NRG4: variants seen among roughly 807,000 people sequenced by gnomAD.
NRG4 encodes the protein pro-neuregulin-4, membrane-bound isoform.
A neutral mutation model predicts 15.0 loss-of-function variants in NRG4; 10 were observed. The observed-to-expected ratio is 0.67, with a 90% CI of 0.41 to 1.13. The LOEUF (loss-of-function observed/expected upper bound fraction) is 1.13. Among genes scored for constraint, NRG4 ranks in the 50% most tolerant of loss-of-function variants. The pLI is 0.00. For missense variants in NRG4, 139 were observed against 140.2 expected, an observed-to-expected ratio of 0.99 and a Z score of 0.04; for synonymous variants, 41 against 50.1, an observed-to-expected ratio of 0.82 and a Z score of 0.77.
intron 3 of NRG4, among the ~76,000 whole-genome samples, chr15:75,972,851 C>A (rs1405305225): frequency 6.6e-6 from 1 of 152,090 alleles, no homozygotes; most frequent in Non-Finnish European, 1.5e-5. Flanking sequence ...CTTGGCTATA[C>A]AGGCTCTTTT....
intron 3 of NRG4, among the ~76,000 whole-genome samples, chr15:76,000,995 T>A (rs2034393409): frequency 6.6e-6 from 1 of 152,190 alleles, no homozygotes; most frequent in Non-Finnish European, 1.5e-5. Context: ...ATTATTTTTA[T>A]CTTTTTTTAG....
chr15:76,038,898 G>A (rs913111890), intron 4 of NRG4, among the ~76,000 whole-genome samples: 118 of 152,308 alleles, frequency 7.7e-4, no homozygotes, highest in African/African-American at 2.6e-3. Context: ...CCCAGCCAGA[G>A]GTGGCTCAGC....
chr15:76,053,735 T>C (rs11854955), intron 2 of NRG4, among the ~76,000 whole-genome samples: 73,388 of 149,956 alleles, frequency 0.49, 19,707 homozygotes, highest in South Asian at 0.66. Flanking sequence ...TTTGTATTTT[T>C]AGTAGAGACA....
intron 5 of NRG4, among the ~76,000 whole-genome samples, chr15:76,022,220 G>A (rs892808751): frequency 2.6e-5 from 4 of 151,952 alleles, no homozygotes; most frequent in Non-Finnish European, 4.4e-5. Flanking sequence ...TTCCATCCAC[G>A]TATCAATAAA....
chr15:76,004,918 A>G (rs2034543851), intron 3 of NRG4, among the ~76,000 whole-genome samples: 1 of 152,330 alleles, frequency 6.6e-6, no homozygotes, highest in African/African-American at 2.4e-5. Flanking sequence ...AAAAATCCAC[A>G]TATAACTTTT....
intron 3 of NRG4, among the ~76,000 whole-genome samples, chr15:75,987,865 A>T (rs2033855466): frequency 6.6e-6 from 1 of 152,204 alleles, no homozygotes; most frequent in Non-Finnish European, 1.5e-5. Flanking sequence ...GTGACATTCA[A>T]ACACTATCTA....
At chr15:76,018,149 T>A (rs898304089) in intron 5 of NRG4, among the ~76,000 whole-genome samples, 2 of 152,202 alleles carry the variant, frequency 1.3e-5, no homozygotes, top group African/African-American at 4.8e-5. Flanking sequence ...CTTGTTGAAG[T>A]TCTCGTGCTA....
intron 4 of NRG4, among the ~76,000 whole-genome samples, chr15:76,047,386 T>G (rs1480146701): frequency 6.6e-6 from 1 of 150,984 alleles, no homozygotes. Context: ...TGCCTATCAA[T>G]GGATGAATAA....
chr15:75,946,289 A>G (rs2031499339), intron 5 of NRG4, among the ~76,000 whole-genome samples: 1 of 152,232 alleles, frequency 6.6e-6, no homozygotes, highest in African/African-American at 2.4e-5. Flanking sequence ...ACCACCAATG[A>G]AGGGTCATTA....
intron 5 of NRG4, among the ~76,000 whole-genome samples, chr15:76,027,805 A>T (rs528215428): frequency 3.7e-4 from 56 of 152,298 alleles, no homozygotes; most frequent in East Asian, 1.7e-3. Flanking sequence ...TCAAATTTTT[A>T]AAAAAATTGA....
At chr15:76,037,792 C>A (rs1332844478) in intron 4 of NRG4, among the ~76,000 whole-genome samples, 1 of 152,182 alleles carries the variant, frequency 6.6e-6, no homozygotes, top group Non-Finnish European at 1.5e-5. Context: ...AAAAGAGCCA[C>A]AAGCTGTATT....
intron 2 of NRG4, among the ~76,000 whole-genome samples, chr15:76,009,494 C>A (rs540601974): frequency 6.6e-6 from 1 of 151,808 alleles, no homozygotes; most frequent in Non-Finnish European, 1.5e-5. Context: ...AAAATTATGT[C>A]CTAAAGATAT....
intron 4 of NRG4, among the ~76,000 whole-genome samples, chr15:76,045,825 G>A (rs2035856593): frequency 6.6e-6 from 1 of 150,888 alleles, no homozygotes; most frequent in Admixed American, 6.6e-5. Flanking sequence ...GATAGTTAAT[G>A]GATCCAAATT....
intron 5 of NRG4, among the ~76,000 whole-genome samples, chr15:75,953,106 A>G (rs2032009508): frequency 6.6e-6 from 1 of 152,206 alleles, no homozygotes; most frequent in South Asian, 2.1e-4. Context: ...ATCCAAGGTC[A>G]TGAAGATTGA....
chr15:76,020,951 G>C (rs2035131747), intron 5 of NRG4, among the ~76,000 whole-genome samples: 1 of 152,206 alleles, frequency 6.6e-6, no homozygotes, highest in African/African-American at 2.4e-5. Context: ...CATTGAAGAT[G>C]GTTACACTAA....
chr15:75,969,138 C>T (rs990822143), intron 3 of NRG4: 5 of 455,256 alleles, frequency 1.1e-5, no homozygotes, highest in Middle Eastern at 3.3e-4. Context: ...CCTTCCCAGG[C>T]TTCAGGTCTC....
At chr15:75,990,257 T>C (rs148809068) in intron 3 of NRG4, among the ~76,000 whole-genome samples, 1 of 152,260 alleles carries the variant, frequency 6.6e-6, no homozygotes, top group African/African-American at 2.4e-5. Context: ...CAGCTTCCTC[T>C]TCTCTGGTAG....
Position 76,011,306 on chromosome 15 carries a change from A to G in NRG4, c.-56-20T>C. 2.5e-6 allele frequency: 3 copies of G among 1,222,940 alleles called. No homozygotes were observed. The highest frequency in any genetic ancestry group is 3.2e-6 in the Non-Finnish European group (3 of 929,258). The allele number at this position is 1,222,940 out of a possible 1,614,324, so 75.8% of individuals were successfully genotyped here. A position where few individuals can be genotyped will look rare whatever the true frequency, so the allele number is the denominator to read the frequency against. ...CAGTACCTAAAACGGTTTAAAAAGT[A>G]ATAATTCAGGGAAAATAGTCTTCTT... On this transcript the variant is annotated intron_variant, in intron 1 of 5. Transcript: ENST00000394907.
chr15:75,991,258 T>A (rs935022141), intron 3 of NRG4, among the ~76,000 whole-genome samples: 6 of 152,232 alleles, frequency 3.9e-5, no homozygotes, highest in Non-Finnish European at 8.8e-5. Flanking sequence ...ATTGATGATA[T>A]GCAAATGAAT....
Sources: allele counts gnomAD v4.1 joint callset (sites outside exome capture counted in the v4.1 genomes callset), GRCh38; gene constraint gnomAD v4.1.1; transcripts MANE v1.5; gene names NCBI Gene and HGNC (gene_info 2026-07-23, HGNC 2026-07-21).